The following DIAPH1 variants were observed in gnomAD, a reference collection of about 807,000 sequenced individuals.
The protein encoded by DIAPH1 is diaphanous related formin 1, also known as protein diaphanous homolog 1.
DIAPH1 carries 46 observed loss-of-function variants against 140.7 expected under a neutral mutation model. The observed-to-expected ratio is 0.33, with a 90% CI of 0.26 to 0.42. The LOEUF (loss-of-function observed/expected upper bound fraction) is 0.42. Among genes scored for constraint, DIAPH1 ranks in the 10% least tolerant of loss-of-function variants. The pLI is 1.00. For missense variants in DIAPH1, 1,310 were observed against 1,558.7 expected (o/e 0.84, Z 2.69); for synonymous variants, 565 against 551.6 (o/e 1.02, Z -0.34).
At chr5:141,607,499 A>G (rs1424187295) in intron 1 of DIAPH1, among the ~76,000 whole-genome samples, 2 of 152,210 alleles carry the variant, frequency 1.3e-5, no homozygotes, top group Non-Finnish European at 2.9e-5. Context: ...GGATATTCCA[A>G]TGTACTTACT....
chr5:141,609,227 T>C (rs2099901432), intron 1 of DIAPH1, among the ~76,000 whole-genome samples: 1 of 149,792 alleles, frequency 6.7e-6, no homozygotes, highest in African/African-American at 2.5e-5. Flanking sequence ...CTAAGCCTAG[T>C]ACTTTTTTCC....
intron 1 of DIAPH1, 181 bp downstream of exon 1, chr5:141,618,617 G>T: frequency 2.0e-6 from 1 of 495,098 alleles, no homozygotes; most frequent in Non-Finnish European, 3.7e-6. Flanking sequence ...GTGGGATTCC[G>T]GGGCTTCCCG....
At chr5:141,544,611 A>G (rs2099890505) in intron 18 of DIAPH1, among the ~76,000 whole-genome samples, 1 of 152,246 alleles carries the variant, frequency 6.6e-6, no homozygotes. Flanking sequence ...AAGCACAGAG[A>G]AAGCTGCTCA....
chr5:141,596,323 ACT>A (rs919692914), intron 1 of DIAPH1, among the ~76,000 whole-genome samples: 4 of 150,766 alleles, frequency 2.7e-5, no homozygotes, highest in Admixed American at 2.6e-4. Flanking sequence ...ACAGAGCAAG[ACT>A]CTGTCTCAAA....
intron 18 of DIAPH1, among the ~76,000 whole-genome samples, chr5:141,554,363 T>C (rs1036209036): frequency 6.6e-6 from 1 of 152,104 alleles, no homozygotes; most frequent in African/African-American, 2.4e-5. Flanking sequence ...TAGAAAAACA[T>C]AACACATCAA....
At chr5:141,578,075 T>G in intron 11 of DIAPH1, 150 bp downstream of exon 11, 1 of 760,314 alleles carries the variant, frequency 1.3e-6, no homozygotes, top group South Asian at 1.4e-5. Context: ...GCCAGCGCAA[T>G]AAAAATACAC....
chr5:141,574,621 G>C (rs1333992282), intron 15 of DIAPH1, among the ~76,000 whole-genome samples: 1 of 152,082 alleles, frequency 6.6e-6, no homozygotes, highest in Non-Finnish European at 1.5e-5. Flanking sequence ...AGTGTGTAAG[G>C]ATAAATCTGT....
intron 18 of DIAPH1, among the ~76,000 whole-genome samples, chr5:141,551,244 G>C (rs1210821486): frequency 6.6e-6 from 1 of 152,178 alleles, no homozygotes; most frequent in Non-Finnish European, 1.5e-5. Flanking sequence ...GAGCCCAAGA[G>C]TTCAAGAAGA....
Position 141,573,595 on chromosome 5 carries a change from G to C in DIAPH1, c.2255C>G (p.Pro752Arg). ...PPGMGMPPPP[P>R]FGFGVPAAPV... The stretch of plus-strand genomic sequence containing the variant: ...GGCTGCAGGAACTCCAAATCCAAAT[G>C]GGGGAGGTGGAGGCATACCCATTCC... Residue 752 changes from proline to arginine, a missense_variant, in exon 16 of 28, where the codon CCA becomes CGA. By Grantham distance (103) the Pro-to-Arg change is moderately radical (BLOSUM62 -2). This residue lies in a region of DIAPH1 where 589 missense variants were observed against 549.3 expected (regional missense o/e 1.07). Coordinates refer to ENST00000389054, the MANE Select transcript of DIAPH1 (RefSeq NM_005219.5). The C allele has an allele frequency of 6.2e-7, 1 of 1,614,052 alleles. No individual in the cohort carries two copies.
chr5:141,523,857 T>A (rs1043084571), intron 27 of DIAPH1, among the ~76,000 whole-genome samples: 9 of 151,716 alleles, frequency 5.9e-5, no homozygotes, highest in Non-Finnish European at 1.3e-4. Context: ...CCAACTCAAA[T>A]CCCTGGGTCC....
intron 15 of DIAPH1, 62 bp downstream of exon 15, chr5:141,574,905 T>C: frequency 9.4e-6 from 15 of 1,589,052 alleles, no homozygotes; most frequent in South Asian, 8.8e-5. Context: ...GACTGACTCC[T>C]GTTCCAAGCC....
chr5:141,575,063 A>C lies in DIAPH1; in HGVS notation c.1545T>G (p.Asp515Glu). Residue 515 changes from aspartate to glutamate, a missense_variant, in exon 15 of 28, where the codon GAT becomes GAG. By Grantham distance (45) the Asp-to-Glu change is conservative. Transcript: ENST00000389054. ...MESDFEQKLQ[D>E]LQGEKDALHS... ...GCAGTGCATCTTTTTCTCCCTGAAG[A>C]TCTTGAAGCTTCTGCTCAAAGTCAC... is the stretch of plus-strand genomic sequence containing the variant. 1.9e-6 allele frequency: 3 copies of C among 1,614,106 alleles called. No individual in the cohort carries two copies. Among genetic ancestry groups the C allele is most frequent in the Non-Finnish European group, 2.5e-6 (3 of 1,180,022 alleles).
rs113661770 is a variant in DIAPH1 at position 141,610,911 on chromosome 5, TAA to T, written c.117+7885_117+7886del. Among the ~76,000 whole-genome samples, 104 of 127,608 alleles carry T rather than the reference TAA, an allele frequency of 8.1e-4. 1 individual carries two copies. The highest frequency in any genetic ancestry group is 1.5e-3 in the Admixed American group (20 of 13,072). 83.7% of individuals were successfully genotyped at this position (127,608 alleles called of 152,430 possible). Reference sequence around the variant, plus strand: ...GCAACATAGTGAAACCCCACCACTATAAAAAAAAAAAAAAGAAAAAGAAAAAA... The same window carrying T: ...GCAACATAGTGAAACCCCACCACTATAAAAAAAAAAAAGAAAAAGAAAAAA... On this transcript the variant is annotated intron_variant, in intron 1 of 27. Transcript: ENST00000389054.
intron 9 of DIAPH1, among the ~76,000 whole-genome samples, chr5:141,578,885 CT>C (rs2099896343): frequency 6.6e-6 from 1 of 152,158 alleles, no homozygotes; most frequent in African/African-American, 2.4e-5. Flanking sequence ...GATATCATGC[CT>C]TTTTCCATCT....
At chr5:141,540,223 C>T (rs998039740) in intron 18 of DIAPH1, among the ~76,000 whole-genome samples, 1 of 151,694 alleles carries the variant, frequency 6.6e-6, no homozygotes, top group Non-Finnish European at 1.5e-5. Context: ...TTCAAGCAAT[C>T]CTCCTGTCTC....
At chr5:141,535,069 G>T (rs72790085) in intron 18 of DIAPH1, among the ~76,000 whole-genome samples, 7,649 of 152,004 alleles carry the variant, frequency 0.05, 269 homozygotes, top group African/African-American at 0.094. Flanking sequence ...CCCACTTCAG[G>T]GTCCCAAGGA....
Position 141,572,661 on chromosome 5 carries a change from A to G in DIAPH1, c.2359-621T>C, listed in dbSNP as rs569471386. Among the ~76,000 whole-genome samples, 41 of 151,724 alleles carry G rather than the reference A, an allele frequency of 2.7e-4. No individual in the cohort carries two copies. In the South Asian group the frequency reaches 6.3e-3, roughly 23 times the overall value. ...CTAAAAATACAAAAATTAGCCAGGC[A>G]TGGTGGCACACGCCTGTAATCCTAG... On this transcript the variant is annotated intron_variant, in intron 16 of 27. Coordinates refer to ENST00000389054, the MANE Select transcript of DIAPH1 (RefSeq NM_005219.5).
At chr5:141,547,360 G>C (rs535564858) in intron 18 of DIAPH1, among the ~76,000 whole-genome samples, 1 of 152,154 alleles carries the variant, frequency 6.6e-6, no homozygotes, top group Admixed American at 6.5e-5. Context: ...AGCTACTCGG[G>C]AGGCTGAGGC....
At chr5:141,522,269 T>C (rs1043401265) in intron 27 of DIAPH1, among the ~76,000 whole-genome samples, 2 of 152,232 alleles carry the variant, frequency 1.3e-5, no homozygotes, top group African/African-American at 4.8e-5. Context: ...TTTCACCTAC[T>C]TTCCAATTTA....
Sources: allele counts gnomAD v4.1 joint callset (sites outside exome capture counted in the v4.1 genomes callset), GRCh38; gene constraint gnomAD v4.1.1; regional missense constraint gnomAD v4.1.1; transcripts MANE v1.5; gene names NCBI Gene and HGNC (gene_info 2026-07-23, HGNC 2026-07-21).